PRELID2: variants seen among roughly 807,000 people sequenced by gnomAD.
PRELID2 encodes the protein PRELI domain-containing protein 2.
A neutral mutation model predicts 28.4 loss-of-function variants in PRELID2; 25 were observed. That is an observed-to-expected ratio of 0.88 (90% confidence interval 0.64 to 1.23). PRELID2 has a LOEUF of 1.23. Ranked by LOEUF, PRELID2 falls within the 50% of genes most tolerant of loss-of-function variation. The pLI is 0.00. For synonymous variants in PRELID2, 76 were observed against 71.6 expected (o/e 1.06, Z -0.31); for missense variants, 201 against 214.4 (o/e 0.94, Z 0.39).
the PRELID2 span, among the ~76,000 whole-genome samples, chr5:145,301,685 G>A: frequency 6.6e-6 from 1 of 151,986 alleles, no homozygotes. Context: ...TTTTGTATAT[G>A]GTGTGAAGTA....
the PRELID2 span, among the ~76,000 whole-genome samples, chr5:145,436,665 T>C: frequency 6.6e-6 from 1 of 152,102 alleles, no homozygotes; most frequent in African/African-American, 2.4e-5. Context: ...ATCCAGTAAT[T>C]AGTGATGCTG....
chr5:145,471,864 G>C (rs573032752), exon 3 of PRELID2: 1 of 152,238 alleles, frequency 6.6e-6, no homozygotes, highest in South Asian at 2.1e-4. Flanking sequence ...AGAATTGCTG[G>C]GAGAGCTGGA....
chr5:145,243,323 G>T, the PRELID2 span, among the ~76,000 whole-genome samples: 1 of 151,888 alleles, frequency 6.6e-6, no homozygotes, highest in Admixed American at 6.6e-5. Context: ...CACCCCAGAA[G>T]ACTCAAATGA....
At chr5:145,425,405 G>C in the PRELID2 span, among the ~76,000 whole-genome samples, 1 of 152,124 alleles carries the variant, frequency 6.6e-6, no homozygotes, top group Non-Finnish European at 1.5e-5. Context: ...CCATGACTGA[G>C]TATATACCCA....
At chr5:145,249,937 G>C in the PRELID2 span, among the ~76,000 whole-genome samples, 40 of 138,660 alleles carry the variant, frequency 2.9e-4, no homozygotes, top group South Asian at 7.3e-4. Flanking sequence ...CTCTCTCTCT[G>C]TCTCTCTCTC....
the PRELID2 span, among the ~76,000 whole-genome samples, chr5:145,373,998 A>C: frequency 6.8e-6 from 1 of 147,454 alleles, no homozygotes; most frequent in Non-Finnish European, 1.5e-5. Context: ...AGTTAGTATT[A>C]TTATGTGTGA....
chr5:145,675,341 A>C (rs1374068058), intron 1 of PRELID2, among the ~76,000 whole-genome samples: 2 of 152,216 alleles, frequency 1.3e-5, no homozygotes, highest in East Asian at 3.8e-4. Flanking sequence ...GATTATATAC[A>C]CTATTCACTC....
chr5:145,448,680 C>T, the PRELID2 span, among the ~76,000 whole-genome samples: 3 of 152,112 alleles, frequency 2.0e-5, no homozygotes, highest in Admixed American at 6.6e-5. Flanking sequence ...TGGAGTTAGG[C>T]TGCCTAGATT....
chr5:145,364,115 G>C, the PRELID2 span, among the ~76,000 whole-genome samples: 33 of 151,916 alleles, frequency 2.2e-4, no homozygotes, highest in South Asian at 3.5e-3. Flanking sequence ...TAAATTAATG[G>C]GTTATCAGAA....
the PRELID2 span, among the ~76,000 whole-genome samples, chr5:145,310,544 G>A: frequency 4.3e-4 from 65 of 152,224 alleles, no homozygotes; most frequent in Admixed American, 2.7e-3. Flanking sequence ...ATTACAAAAC[G>A]ATGATACTCT....
At chr5:145,715,247 C>T (rs1434645389) in intron 1 of PRELID2, among the ~76,000 whole-genome samples, 1 of 152,046 alleles carries the variant, frequency 6.6e-6, no homozygotes, top group Non-Finnish European at 1.5e-5. Context: ...TTACTCAAGC[C>T]AAAAATCTAG....
At chr5:145,374,537 G>T in the PRELID2 span, among the ~76,000 whole-genome samples, 1 of 152,090 alleles carries the variant, frequency 6.6e-6, no homozygotes, top group African/African-American at 2.4e-5. Flanking sequence ...GTCTTGCTAG[G>T]TTGGGGAAGT....
At chr5:145,584,813 G>T (rs988308292) in intron 1 of PRELID2, among the ~76,000 whole-genome samples, 3 of 152,048 alleles carry the variant, frequency 2.0e-5, no homozygotes, top group Non-Finnish European at 4.4e-5. Flanking sequence ...GCAGAGAAAA[G>T]GGAACACTTT....
chr5:145,364,019 C>T, the PRELID2 span, among the ~76,000 whole-genome samples: 1 of 151,984 alleles, frequency 6.6e-6, no homozygotes, highest in Non-Finnish European at 1.5e-5. Context: ...AAACTTCACA[C>T]AACAAATTCT....
At chr5:145,804,740 A>G (rs1185828682) in intron 4 of PRELID2, among the ~76,000 whole-genome samples, 1 of 152,204 alleles carries the variant, frequency 6.6e-6, no homozygotes, top group Non-Finnish European at 1.5e-5. Context: ...CTATTAACAC[A>G]GTTAACCTCA....
Position 145,796,359 on chromosome 5 carries a change from C to T in PRELID2, c.474+83G>A. 3.9e-6 allele frequency: 3 copies of T among 767,434 alleles called. No homozygotes were observed. The South Asian group carries it at 5.6e-5, about 14-fold the overall frequency. The allele number at this position is 767,434 out of a possible 1,614,324, so 47.5% of individuals were successfully genotyped here. ...CTATATGTTTTTCTCATTATGTCTG[C>T]TCATGAGTCTTATTCAATAACCCTA... On this transcript the variant is annotated intron_variant, in intron 5 of 6. Transcript: ENST00000683046.
the PRELID2 span, among the ~76,000 whole-genome samples, chr5:145,372,054 G>C: frequency 2.0e-5 from 3 of 151,912 alleles, no homozygotes; most frequent in African/African-American, 7.3e-5. Flanking sequence ...GCCAATTAGA[G>C]ATCTTTCCAG....
chr5:145,556,143 A>G (rs1008562009), intron 1 of PRELID2, among the ~76,000 whole-genome samples: 50 of 147,414 alleles, frequency 3.4e-4, no homozygotes, highest in African/African-American at 1.3e-3. Flanking sequence ...ACGCCACTGC[A>G]CTCCAGCCTG....
At chr5:145,421,193 T>A in the PRELID2 span, among the ~76,000 whole-genome samples, 2 of 150,842 alleles carry the variant, frequency 1.3e-5, no homozygotes, top group Non-Finnish European at 3.0e-5. Context: ...TCTAAAATTC[T>A]CTTTTTTTGT....
Sources: gnomAD v4.1 joint callset for allele counts (sites outside exome capture counted in the v4.1 genomes callset) on GRCh38, gnomAD v4.1.1 for gene constraint, MANE v1.5 for transcripts, NCBI Gene and HGNC (gene_info 2026-07-23, HGNC 2026-07-21) for gene names.